Variants in L3MBTL4 observed in about 807,000 individuals in gnomAD.
The protein encoded by L3MBTL4 is L3MBTL histone methyl-lysine binding protein 4.
In L3MBTL4, 70 loss-of-function variants were observed where a neutral mutation model predicts 84.5. That is an observed-to-expected ratio of 0.83 (90% CI 0.68 to 1.01). L3MBTL4 has a LOEUF of 1.01. Ranked by LOEUF, L3MBTL4 falls within the 50% of genes least tolerant of loss-of-function variation. The probability of loss-of-function intolerance (pLI) is 0.00; values close to 1 mark genes in which losing one functional copy is unlikely to be tolerated. For missense variants in L3MBTL4, 715 were observed against 754.8 expected (o/e 0.95, Z 0.62); for synonymous variants, 274 against 259.8 (o/e 1.05, Z -0.52).
rs147666705 is a variant in L3MBTL4, at chr18:6,351,265, A to G, written c.-90-39209T>C. Among the ~76,000 whole-genome samples, 244 of 152,306 alleles carry G rather than the reference A, an allele frequency of 1.6e-3. 1 individual carries two copies. Among genetic ancestry groups the G allele is most frequent in the African/African-American group, 5.3e-3 (220 of 41,566 alleles). On this transcript the variant is annotated intron_variant, in intron 1 of 18. Coordinates refer to ENST00000317931, the MANE Select transcript of L3MBTL4 (RefSeq NM_001330559.2). ...TGCTAAGCAAAATAAGCCAGATACTAAAGAACAAATATTGTATTATTCCAC... is the reference window on the plus strand; with the variant it reads ...TGCTAAGCAAAATAAGCCAGATACTGAAGAACAAATATTGTATTATTCCAC...
At chr18:6,153,141 G>A (rs550576855) in intron 13 of L3MBTL4, among the ~76,000 whole-genome samples, 1 of 152,176 alleles carries the variant, frequency 6.6e-6, no homozygotes, top group South Asian at 2.1e-4. Context: ...GCTTTGTGCT[G>A]TACTTTGAAA....
intron 13 of L3MBTL4, among the ~76,000 whole-genome samples, chr18:6,157,140 T>G (rs993802340): frequency 5.3e-5 from 8 of 152,218 alleles, no homozygotes; most frequent in Non-Finnish European, 1.2e-4. Context: ...AATAGCTACC[T>G]TTTTAAAAAA....
In L3MBTL4 at chr18:6,213,238, G is replaced by A; in HGVS notation, c.892C>T (p.Pro298Ser). The change falls in exon 12 of 19, where the codon CCA (proline) becomes TCA (serine). Residue 298 changes from proline (P) to serine (S), a missense_variant. Physicochemically the swap from Pro to Ser is moderately conservative, Grantham distance 74. Coordinates refer to ENST00000317931, the MANE Select transcript of L3MBTL4 (RefSeq NM_001330559.2). ...FKMRLPHGFL[P>S]NMKLEVVDKR... The stretch of plus-strand genomic sequence containing the variant: ...TCCACAACTTCAAGTTTCATATTTG[G>A]CAGAAAACCATGAGGCAACCTCTGT... 1 of 1,607,732 alleles carries A rather than the reference G, an allele frequency of 6.2e-7. No homozygotes were observed. The highest frequency in any genetic ancestry group is 1.1e-5 in the South Asian group (1 of 89,416).
At chr18:6,358,005 C>A (rs940826735) in intron 1 of L3MBTL4, among the ~76,000 whole-genome samples, 1 of 152,178 alleles carries the variant, frequency 6.6e-6, no homozygotes, top group Non-Finnish European at 1.5e-5. Context: ...GAAGACAAAG[C>A]GGAGCACACA....
chr18:6,117,710 T>C (rs1333965672), intron 14 of L3MBTL4, among the ~76,000 whole-genome samples: 1 of 152,224 alleles, frequency 6.6e-6, no homozygotes, highest in African/African-American at 2.4e-5. Context: ...CAGCGTCCTA[T>C]GTTAAAATCT....
chr18:6,150,424 T>TACAC (rs111558666), intron 13 of L3MBTL4, among the ~76,000 whole-genome samples: 70 of 149,386 alleles, frequency 4.7e-4, no homozygotes, highest in African/African-American at 1.3e-3. Flanking sequence ...TGTTTGAGAA[T>TACAC]ACACACACAC....
intron 16 of L3MBTL4, among the ~76,000 whole-genome samples, chr18:6,041,287 T>C (rs1426259754): frequency 2.0e-5 from 3 of 152,220 alleles, no homozygotes; most frequent in Non-Finnish European, 4.4e-5. Context: ...CAGGTGAGCA[T>C]GCTGCAGAGT....
intron 16 of L3MBTL4, among the ~76,000 whole-genome samples, chr18:5,977,932 A>G (rs1320032392): frequency 1.3e-5 from 2 of 152,184 alleles, no homozygotes; most frequent in African/African-American, 2.4e-5. Context: ...GAAATTGTCC[A>G]TTTATTTTTT....
chr18:6,073,894 G>T lies in L3MBTL4; in HGVS notation c.1444+6987C>A, dbSNP rs866318647. The stretch of plus-strand genomic sequence containing the variant: ...AAAAACTTATCACGAGTTTTCTGAG[G>T]AGTGTTTGCTTTCTTTTTGTCATAT... On this transcript the variant is annotated intron_variant, in intron 16 of 18. Coordinates refer to ENST00000317931, the MANE Select transcript of L3MBTL4 (RefSeq NM_001330559.2). 2.6e-5 allele frequency among the ~76,000 whole-genome samples: 4 copies of T among 152,192 alleles called. No homozygotes were observed. The Middle Eastern group carries it at 0.014, about 518-fold the overall frequency.
chr18:6,119,950 C>T (rs756926668), intron 14 of L3MBTL4, among the ~76,000 whole-genome samples: 10 of 152,304 alleles, frequency 6.6e-5, no homozygotes, highest in Admixed American at 3.3e-4. Flanking sequence ...GGCTGAAAAG[C>T]GAGGTCTCCT....
intron 16 of L3MBTL4, among the ~76,000 whole-genome samples, chr18:5,999,216 C>T (rs993453316): frequency 2.0e-5 from 3 of 152,216 alleles, no homozygotes; most frequent in African/African-American, 7.2e-5. Flanking sequence ...CTAGCAGAAA[C>T]ATTTTTCTCA....
chr18:6,105,510 C>G (rs1249678205), intron 14 of L3MBTL4, among the ~76,000 whole-genome samples: 1 of 151,480 alleles, frequency 6.6e-6, no homozygotes, highest in African/African-American at 2.4e-5. Flanking sequence ...AAAAGACTAT[C>G]AGTCTAGGCA....
intron 1 of L3MBTL4, among the ~76,000 whole-genome samples, chr18:6,389,970 A>C (rs2054978284): frequency 6.6e-6 from 1 of 152,160 alleles, no homozygotes; most frequent in Non-Finnish European, 1.5e-5. Context: ...TCTACAGAAC[A>C]TTTTACCCAA....
At chr18:6,290,292 CT>C (rs1014948837) in intron 4 of L3MBTL4, among the ~76,000 whole-genome samples, 6 of 148,094 alleles carry the variant, frequency 4.1e-5, no homozygotes, top group African/African-American at 1.5e-4. Context: ...TTTTTTTTAC[CT>C]TTTTGGTAGC....
intron 8 of L3MBTL4, 70 bp downstream of exon 8, chr18:6,241,288 A>C: frequency 1.1e-6 from 1 of 876,892 alleles, no homozygotes; most frequent in Non-Finnish European, 1.9e-6. Flanking sequence ...ATAAAACAGA[A>C]TATATAGTGA....
intron 16 of L3MBTL4, chr18:6,030,190 GAGA>G (rs1263393736): frequency 1.2e-6 from 1 of 828,728 alleles, no homozygotes; most frequent in African/African-American, 1.9e-5. Context: ...AGACACACAA[GAGA>G]AGTATACAGT....
At chr18:6,061,967 C>T (rs1214019617) in intron 16 of L3MBTL4, among the ~76,000 whole-genome samples, 3 of 151,820 alleles carry the variant, frequency 2.0e-5, no homozygotes, top group Non-Finnish European at 4.4e-5. Context: ...GCTATACTCA[C>T]CTAATTAATT....
chr18:6,149,989 G>C (rs2042822165), intron 13 of L3MBTL4, among the ~76,000 whole-genome samples: 2 of 152,098 alleles, frequency 1.3e-5, no homozygotes, highest in Non-Finnish European at 1.5e-5. Flanking sequence ...TCATGTAAGG[G>C]GAGATAAGAG....
intron 5 of L3MBTL4, among the ~76,000 whole-genome samples, chr18:6,254,997 C>T (rs1261164930): frequency 6.6e-6 from 1 of 152,152 alleles, no homozygotes; most frequent in Non-Finnish European, 1.5e-5. Context: ...ACAGAAAGAA[C>T]TTTTTAAAAT....
Sources: gnomAD v4.1 joint callset for allele counts (sites outside exome capture counted in the v4.1 genomes callset) on GRCh38, gnomAD v4.1.1 for gene constraint, MANE v1.5 for transcripts, NCBI Gene and HGNC (gene_info 2026-07-23, HGNC 2026-07-21) for gene names.